SRGAP2: variants seen among roughly 807,000 people sequenced by gnomAD.
SRGAP2 encodes the protein SLIT-ROBO Rho GTPase-activating protein 2.
In SRGAP2, 15 loss-of-function variants were observed where a neutral mutation model predicts 57.2. That is an observed-to-expected ratio of 0.26 (90% CI 0.18 to 0.40). SRGAP2 has a LOEUF of 0.40. Among genes scored for constraint, SRGAP2 ranks in the 10% least tolerant of loss-of-function variants. SRGAP2 has a pLI of 1.00. For synonymous variants in SRGAP2, 249 were observed against 248.0 expected (o/e 1.00, Z -0.04); for missense variants, 520 against 669.6 (o/e 0.78, Z 2.47).
chr1:206,321,607 T>C (rs1375594969), intron 3 of SRGAP2, among the ~76,000 whole-genome samples: 3 of 112,534 alleles, frequency 2.7e-5, no homozygotes, highest in Admixed American at 9.8e-5. Flanking sequence ...GCAATTCTAC[T>C]GTAAGGAAGA....
intron 13 of SRGAP2, among the ~76,000 whole-genome samples, chr1:206,428,507 C>A (rs1473253583): frequency 1.3e-5 from 2 of 151,664 alleles, no homozygotes; most frequent in African/African-American, 4.8e-5. Flanking sequence ...GCACACCTGG[C>A]AATGTTTGCT....
rs547654864 is a variant in SRGAP2, at chr1:206,230,905, C to A, written c.67+24868C>A. On this transcript the variant is annotated intron_variant, in intron 2 of 22. Coordinates refer to ENST00000573034, the MANE Select transcript of SRGAP2 (RefSeq NM_015326.5). ...CCTCTCAGAGTGCTGGGATTACAGG[C>A]GTGAGCCACCATACCCAGCCCAGAA... 1.7e-4 allele frequency among the ~76,000 whole-genome samples: 25 copies of A among 145,170 alleles called. No homozygotes were observed. In the South Asian group the frequency reaches 5.3e-3, roughly 31 times the overall value.
At chr1:206,268,081 A>ATATATAT (rs1182456996) in intron 2 of SRGAP2, among the ~76,000 whole-genome samples, 1 of 145,258 alleles carries the variant, frequency 6.9e-6, no homozygotes, top group African/African-American at 2.6e-5. Flanking sequence ...ATATATATAT[A>ATATATAT]TTTTTTTTTT....
chr1:206,397,336 G>C (rs1285333461), intron 7 of SRGAP2, among the ~76,000 whole-genome samples: 1 of 151,114 alleles, frequency 6.6e-6, no homozygotes, highest in Non-Finnish European at 1.5e-5. Flanking sequence ...GACTAAGTGA[G>C]GAGCCTGGGA....
intron 4 of SRGAP2, among the ~76,000 whole-genome samples, chr1:206,357,728 C>T (rs368514346): frequency 5.0e-4 from 75 of 150,182 alleles, no homozygotes; most frequent in African/African-American, 1.6e-3. Flanking sequence ...GGATTACAGG[C>T]GTGGGCTACC....
intron 21 of SRGAP2, 159 bp downstream of exon 21, chr1:206,455,183 A>G: frequency 1.4e-6 from 1 of 692,482 alleles, no homozygotes; most frequent in South Asian, 1.6e-5. Context: ...CAAGGCGGAC[A>G]GGGCTGAGGA....
intron 2 of SRGAP2, among the ~76,000 whole-genome samples, chr1:206,267,038 G>T: frequency 7.4e-6 from 1 of 134,736 alleles, no homozygotes; most frequent in African/African-American, 2.8e-5. Flanking sequence ...GCGCAATCTT[G>T]GCTCACTGCA....
At chr1:206,314,105 GT>G (rs797022788) in intron 3 of SRGAP2, among the ~76,000 whole-genome samples, 11,178 of 138,416 alleles carry the variant, frequency 0.081, 726 homozygotes, top group African/African-American at 0.18. Flanking sequence ...TGTTTTTTTT[GT>G]TTTTTTTTTT....
At chr1:206,392,936 G>T (rs782405759) in intron 6 of SRGAP2, 32 bp downstream of exon 6, 1 of 716,772 alleles carries the variant, frequency 1.4e-6, no homozygotes, top group African/African-American at 1.7e-5. Context: ...TAGATGCTGG[G>T]AAGCAACATT....
At chr1:206,414,016 T>A (rs1659446983) in intron 10 of SRGAP2, among the ~76,000 whole-genome samples, 1 of 151,578 alleles carries the variant, frequency 6.6e-6, no homozygotes, top group South Asian at 2.1e-4. Context: ...TTGTTCACTT[T>A]TCTTTTCTTT....
chr1:206,213,174 A>G (rs1380905866), intron 2 of SRGAP2: 13 of 151,952 alleles, frequency 8.6e-5, no homozygotes, highest in Admixed American at 8.5e-4. Flanking sequence ...CTGGGCAACA[A>G]GAGCGAGACT....
At chr1:206,416,411 G>A (rs187221831) in intron 11 of SRGAP2, among the ~76,000 whole-genome samples, 3 of 152,286 alleles carry the variant, frequency 2.0e-5, no homozygotes, top group Middle Eastern at 3.4e-3. Flanking sequence ...AATGCAGGAG[G>A]GATGGACAGA....
chr1:206,419,441 T>C (rs1553363516), intron 12 of SRGAP2, 41 bp downstream of exon 12: 1 of 780,520 alleles, frequency 1.3e-6, no homozygotes, highest in Non-Finnish European at 2.4e-6. Flanking sequence ...TGATAGAGGC[T>C]TGGTGGGTAG....
chr1:206,416,693 C>G (rs1659733905), intron 11 of SRGAP2, among the ~76,000 whole-genome samples: 1 of 152,172 alleles, frequency 6.6e-6, no homozygotes, highest in South Asian at 2.1e-4. Flanking sequence ...GCACCCTGCC[C>G]AGATTTCCTG....
chr1:206,356,666 C>G lies in SRGAP2; in HGVS notation c.423+13658C>G, dbSNP rs543849348. Among the ~76,000 whole-genome samples, 42 of 151,636 alleles carry G rather than the reference C, an allele frequency of 2.8e-4. No homozygotes were observed. The East Asian group carries it at 8.0e-3, about 29-fold the overall frequency. On this transcript the variant is annotated intron_variant, in intron 4 of 22. Transcript: ENST00000573034. ...TGTTGACTCCCCTATTTATCTTTGT[C>G]AAGACTTTTCCTTTGAATTCCTCCC...
chr1:206,438,449 A>T (rs1371770207), intron 16 of SRGAP2, among the ~76,000 whole-genome samples: 4 of 152,218 alleles, frequency 2.6e-5, no homozygotes, highest in African/African-American at 4.8e-5. Context: ...GGGGAAAAGC[A>T]TAAGCGTTGC....
intron 3 of SRGAP2, among the ~76,000 whole-genome samples, chr1:206,327,007 A>C (rs1490797892): frequency 2.6e-5 from 4 of 152,120 alleles, no homozygotes; most frequent in Non-Finnish European, 5.9e-5. Context: ...CAACCTGGGC[A>C]ACAGAGCAAG....
chr1:206,362,099 T>C (rs1490573056), intron 4 of SRGAP2, among the ~76,000 whole-genome samples: 1 of 152,182 alleles, frequency 6.6e-6, no homozygotes. Context: ...AGCACATGAT[T>C]TCTGACACAC....
intron 4 of SRGAP2, among the ~76,000 whole-genome samples, chr1:206,372,960 CTTTCCTTT>C (rs2103028529): frequency 0.079 from 1,409 of 17,948 alleles, 251 homozygotes; most frequent in East Asian, 0.1. Context: ...TCTTTCTTTT[CTTTCCTTT>C]CTTTCTTTCT....
Sources: gnomAD v4.1 joint callset for allele counts (sites outside exome capture counted in the v4.1 genomes callset) on GRCh38, gnomAD v4.1.1 for gene constraint, MANE v1.5 for transcripts, NCBI Gene and HGNC (gene_info 2026-07-23, HGNC 2026-07-21) for gene names.